Variants in TMEM132B observed in about 807,000 individuals in gnomAD.
TMEM132B encodes the protein transmembrane protein 132B.
TMEM132B carries 18 observed loss-of-function variants against 90.8 expected under a neutral mutation model. The observed-to-expected ratio is 0.20, with a 90% CI of 0.14 to 0.29. The LOEUF (loss-of-function observed/expected upper bound fraction) is 0.29, where lower values mean the gene tolerates loss of function less well. Ranked by LOEUF, TMEM132B falls within the 10% of genes least tolerant of loss-of-function variation. The probability of loss-of-function intolerance (pLI) is 1.00; values close to 1 mark genes in which losing one functional copy is unlikely to be tolerated. For missense variants in TMEM132B, 1,096 were observed against 1,326.8 expected (o/e 0.83, Z 2.70); for synonymous variants, 504 against 523.3 (o/e 0.96, Z 0.50).
intron 1 of TMEM132B, among the ~76,000 whole-genome samples, chr12:125,285,363 A>G (rs575909992): frequency 3.9e-4 from 60 of 152,208 alleles, no homozygotes; most frequent in Non-Finnish European, 6.3e-4. Flanking sequence ...AGACATAGCT[A>G]AAGGAACTAC....
At position 125,459,238 on chromosome 12, in the gene TMEM132B, C is replaced by T. The variant is rs549011724; in HGVS notation, c.1106+43561C>T. Among the ~76,000 whole-genome samples the T allele has an allele frequency of 3.5e-4, 54 of 152,228 alleles. No homozygotes were observed. Among genetic ancestry groups the T allele is most frequent in the Middle Eastern group, 3.4e-3 (1 of 294 alleles). Reference sequence around the variant, plus strand: ...TTTCAAATAGTGGGACCCTCTTCTACGTGTGGGGAACCGCCAGCATGTCCT... The same window carrying T: ...TTTCAAATAGTGGGACCCTCTTCTATGTGTGGGGAACCGCCAGCATGTCCT... On this transcript the variant is annotated intron_variant, in intron 3 of 8. Transcript: ENST00000682704. The surrounding 1 kb of genome is among the most constrained non-coding windows in gnomAD (Gnocchi z 4.1).
intron 1 of TMEM132B, among the ~76,000 whole-genome samples, chr12:125,196,619 G>T (rs918590449): frequency 2.0e-5 from 3 of 152,218 alleles, no homozygotes; most frequent in Non-Finnish European, 4.4e-5. Context: ...TGAGGCAGGG[G>T]AATTGCTTGA....
intron 2 of TMEM132B, among the ~76,000 whole-genome samples, chr12:125,381,676 G>A (rs918284172): frequency 6.6e-6 from 1 of 152,220 alleles, no homozygotes; most frequent in Non-Finnish European, 1.5e-5. Context: ...ACTACTGTGT[G>A]TGTGTGTGTG....
At chr12:125,611,458 T>C (rs932121908) in intron 5 of TMEM132B, among the ~76,000 whole-genome samples, 8 of 152,096 alleles carry the variant, frequency 5.3e-5, no homozygotes, top group Admixed American at 5.2e-4. Flanking sequence ...TAGGTTTAGT[T>C]TGCTTTTCTT....
At chr12:125,439,318 T>A (rs1021104745) in intron 3 of TMEM132B, among the ~76,000 whole-genome samples, 7 of 152,220 alleles carry the variant, frequency 4.6e-5, no homozygotes, top group Non-Finnish European at 8.8e-5. Context: ...TGTTTTTCCC[T>A]TTGTTTGTGT....
intron 3 of TMEM132B, among the ~76,000 whole-genome samples, chr12:125,515,346 A>G (rs961696018): frequency 4.6e-5 from 7 of 151,748 alleles, no homozygotes; most frequent in Admixed American, 2.0e-4. Context: ...ATTCTGTCAC[A>G]CTCACACACA....
intron 1 of TMEM132B, among the ~76,000 whole-genome samples, chr12:125,276,980 C>T (rs917081738): frequency 5.3e-5 from 8 of 152,278 alleles, no homozygotes; most frequent in East Asian, 1.9e-4. Context: ...GCGATTTTAA[C>T]GTAGAGGTTG....
chr12:125,654,508 A>G lies in TMEM132B; in HGVS notation c.3050A>G (p.Glu1017Gly), dbSNP rs2137058240. 1 of 1,614,066 alleles carries G rather than the reference A, an allele frequency of 6.2e-7. No homozygotes were observed. Among genetic ancestry groups the G allele is most frequent in the Non-Finnish European group, 8.5e-7 (1 of 1,180,026 alleles). ...DYVYEKEIKN[E>G]PMNSSGPKRK... ...GTCTATGAGAAAGAAATTAAAAATG[A>G]ACCTATGAATTCTTCGGGCCCAAAG... Residue 1017 changes from glutamate (E) to glycine (G), a missense_variant, in exon 9 of 9, where the codon GAA becomes GGA. Glu to Gly is a moderately conservative substitution (Grantham distance 98). Coordinates refer to ENST00000682704, the MANE Select transcript of TMEM132B (RefSeq NM_001366854.1). This position sits in a 1 kb window ranked among gnomAD's most constrained non-coding sequence, Gnocchi z 5.8.
intron 4 of TMEM132B, among the ~76,000 whole-genome samples, chr12:125,531,828 G>A (rs748256248): frequency 5.9e-5 from 9 of 152,318 alleles, no homozygotes; most frequent in East Asian, 1.9e-4. Flanking sequence ...ACAAGTAACC[G>A]TCTTTGTCGG....
intron 3 of TMEM132B, among the ~76,000 whole-genome samples, chr12:125,517,679 T>A (rs554707938): frequency 6.6e-6 from 1 of 152,332 alleles, no homozygotes; most frequent in East Asian, 1.9e-4. Flanking sequence ...GAATTCATAT[T>A]ACTGGATGGT....
At chr12:125,189,080 A>G (rs572055423) in intron 1 of TMEM132B, among the ~76,000 whole-genome samples, 1 of 152,106 alleles carries the variant, frequency 6.6e-6, no homozygotes, top group Admixed American at 6.5e-5. Flanking sequence ...CATCACACAC[A>G]CGCAGGGACT....
At chr12:125,558,500 TC>T (rs1392579469) in intron 4 of TMEM132B, among the ~76,000 whole-genome samples, 1 of 152,152 alleles carries the variant, frequency 6.6e-6, no homozygotes, top group Admixed American at 6.6e-5. Flanking sequence ...ATAGGTGAAT[TC>T]CTTAAATTTA....
chr12:125,424,339 C>T (rs1485124336), intron 3 of TMEM132B, among the ~76,000 whole-genome samples: 2 of 152,110 alleles, frequency 1.3e-5, no homozygotes, highest in East Asian at 1.9e-4. Flanking sequence ...TACAGGGCTC[C>T]GTGTGTGTCC....
intron 2 of TMEM132B, among the ~76,000 whole-genome samples, chr12:125,394,438 G>A (rs1311141277): frequency 6.6e-6 from 1 of 152,210 alleles, no homozygotes. Context: ...ATACACATGA[G>A]GATGATGGCA....
chr12:125,273,819 C>T (rs1290295935), intron 1 of TMEM132B, among the ~76,000 whole-genome samples: 6 of 152,148 alleles, frequency 3.9e-5, no homozygotes, highest in African/African-American at 1.2e-4. Flanking sequence ...GCACATACCA[C>T]CACACGGGCT....
rs1398130740 is a variant in TMEM132B at position 125,186,594 on chromosome 12, A to G, written c.-206A>G. ...GGCCGCCCCAGCTCCCCAGCCACGC[A>G]CGGCCGAGCCCAGGAGAGCGCGCAG... On this transcript the variant is annotated 5_prime_UTR_variant, in exon 1 of 9. Transcript: ENST00000682704. The surrounding 1 kb of genome is among the most constrained non-coding windows in gnomAD (Gnocchi z 6.3). 1.4e-5 allele frequency among the ~76,000 whole-genome samples: 2 copies of G among 146,834 alleles called. No individual in the cohort carries two copies. The highest frequency in any genetic ancestry group is 4.9e-5 in the African/African-American group (2 of 40,994).
In TMEM132B at chr12:125,493,501, C is replaced by G. The variant is rs912919895; in HGVS notation, c.1107-25938C>G. Among the ~76,000 whole-genome samples, 5 of 152,138 alleles carry G rather than the reference C, an allele frequency of 3.3e-5. No homozygotes were observed. The South Asian group carries it at 8.3e-4, about 25-fold the overall frequency. ...CACACCAGAGGGAACGTCGACTACC[C>G]AGCATGTTAGTTTTTCTCCACTGGC... On this transcript the variant is annotated intron_variant, in intron 3 of 8. Transcript: ENST00000682704.
intron 3 of TMEM132B, among the ~76,000 whole-genome samples, chr12:125,466,729 C>T (rs1881571496): frequency 6.6e-6 from 1 of 152,176 alleles, no homozygotes; most frequent in East Asian, 1.9e-4. Context: ...TGGTCCAGAT[C>T]CTGGGCCTGT....
intron 7 of TMEM132B, 115 bp downstream of exon 7, chr12:125,651,068 G>A (rs1021779890): frequency 3.7e-6 from 5 of 1,363,582 alleles, no homozygotes; most frequent in South Asian, 1.4e-5. Flanking sequence ...GTATATCAAC[G>A]TGTGTCACTG....
Sources: gnomAD v4.1 joint callset for allele counts (sites outside exome capture counted in the v4.1 genomes callset) on GRCh38, gnomAD v4.1.1 for gene constraint, Gnocchi (gnomAD v3.1) non-coding constraint, MANE v1.5 for transcripts, NCBI Gene and HGNC (gene_info 2026-07-23, HGNC 2026-07-21) for gene names.